IMMP2L: variants seen among roughly 807,000 people sequenced by gnomAD.
The protein encoded by IMMP2L is mitochondrial inner membrane protease subunit 2.
Under a neutral mutation model 19.3 loss-of-function variants are expected in IMMP2L, and 18 were observed. The observed-to-expected ratio is 0.93, with a 90% confidence interval of 0.64 to 1.38. IMMP2L has a LOEUF of 1.38. Ranked by LOEUF, IMMP2L falls within the 40% of genes most tolerant of loss-of-function variation. The pLI is 0.00. For missense variants in IMMP2L, 233 were observed against 218.2 expected (o/e 1.07, Z -0.43); for synonymous variants, 76 against 73.0 (o/e 1.04, Z -0.21).
chr7:111,391,238 C>T (rs926518983), intron 3 of IMMP2L, among the ~76,000 whole-genome samples: 11 of 152,054 alleles, frequency 7.2e-5, no homozygotes, highest in African/African-American at 2.2e-4. Flanking sequence ...CTTGCTGATA[C>T]TCCATTAGTC....
intron 5 of IMMP2L, among the ~76,000 whole-genome samples, chr7:110,834,187 A>G (rs1804221280): frequency 6.6e-6 from 1 of 152,108 alleles, no homozygotes; most frequent in Non-Finnish European, 1.5e-5. Flanking sequence ...TGAATAATAA[A>G]TCTTAAATGT....
At chr7:111,069,737 A>T (rs964914557) in intron 3 of IMMP2L, among the ~76,000 whole-genome samples, 1 of 152,122 alleles carries the variant, frequency 6.6e-6, no homozygotes, top group African/African-American at 2.4e-5. Flanking sequence ...GGTGATCTGG[A>T]ACTGGTCTCC....
chr7:110,854,124 T>C (rs1211972640), intron 5 of IMMP2L, among the ~76,000 whole-genome samples: 1 of 151,982 alleles, frequency 6.6e-6, no homozygotes, highest in Admixed American at 6.6e-5. Flanking sequence ...TAGGTACACA[T>C]ATATTTTAAA....
At chr7:111,144,637 G>A (rs1050223995) in intron 3 of IMMP2L, among the ~76,000 whole-genome samples, 1 of 151,962 alleles carries the variant, frequency 6.6e-6, no homozygotes, top group Non-Finnish European at 1.5e-5. Context: ...AAATCCACGG[G>A]GGACAGAAAT....
At chr7:110,686,165 C>T (rs986506244) in intron 5 of IMMP2L, among the ~76,000 whole-genome samples, 14 of 152,040 alleles carry the variant, frequency 9.2e-5, no homozygotes, top group African/African-American at 3.4e-4. Context: ...TCTCCCTCTG[C>T]AATCTTTAAC....
chr7:111,192,481 T>C (rs1808994299), intron 3 of IMMP2L, among the ~76,000 whole-genome samples: 1 of 152,160 alleles, frequency 6.6e-6, no homozygotes, highest in Non-Finnish European at 1.5e-5. Context: ...ACTCCTTTTC[T>C]TTTCGCTTCT....
Position 111,126,724 on chromosome 7 carries a change from C to T in IMMP2L, c.240-163159G>A, listed in dbSNP as rs566517831. On this transcript the variant is annotated intron_variant, in intron 3 of 5. Transcript: ENST00000405709. ...TTTTTACAAACAAACCCCCACAGTCCTGCAAAAATAGAAGTATTTTTGTAC... is the reference window on the plus strand; with the variant it reads ...TTTTTACAAACAAACCCCCACAGTCTTGCAAAAATAGAAGTATTTTTGTAC... 2.4e-4 allele frequency among the ~76,000 whole-genome samples: 36 copies of T among 152,102 alleles called. 1 individual carries two copies. The highest frequency in any genetic ancestry group is 7.2e-4 in the Admixed American group (11 of 15,272).
rs114882722 is a variant in IMMP2L at position 111,137,413 on chromosome 7, G to A, written c.240-173848C>T. On this transcript the variant is annotated intron_variant, in intron 3 of 5. Transcript: ENST00000405709. ...TTCCTAATCATGTCAAAAAAAATAC[G>A]TTAAGCCAGAATTCACAATTTTTCC... 4.5e-3 allele frequency among the ~76,000 whole-genome samples: 690 copies of A among 152,096 alleles called. 10 individuals carry two copies. Among genetic ancestry groups the A allele is most frequent in the African/African-American group, 0.016 (665 of 41,516 alleles).
At chr7:111,452,471 T>A (rs1391264510) in intron 3 of IMMP2L, among the ~76,000 whole-genome samples, 1 of 152,172 alleles carries the variant, frequency 6.6e-6, no homozygotes, top group African/African-American at 2.4e-5. Flanking sequence ...TTATTTCCAA[T>A]AAATTATATA....
Position 111,424,635 on chromosome 7 carries a change from A to G in IMMP2L, c.239+62603T>C, listed in dbSNP as rs866524406. Among the ~76,000 whole-genome samples, 5 of 151,944 alleles carry G rather than the reference A, an allele frequency of 3.3e-5. No individual in the cohort carries two copies. The East Asian group carries it at 5.8e-4, about 18-fold the overall frequency. Reference sequence around the variant, plus strand: ...ATGTATAGCCATGCTACTTAAAACTATATCTTAAATATGAAGACTCTTAAC... The same window carrying G: ...ATGTATAGCCATGCTACTTAAAACTGTATCTTAAATATGAAGACTCTTAAC... On this transcript the variant is annotated intron_variant, in intron 3 of 5. Transcript: ENST00000405709.
chr7:111,531,600 G>A (rs532526398), intron 1 of IMMP2L, among the ~76,000 whole-genome samples: 5 of 152,088 alleles, frequency 3.3e-5, no homozygotes, highest in South Asian at 2.1e-4. Context: ...CCATTAGCAC[G>A]GAGAAGCTTG....
chr7:111,040,833 C>A (rs1168363959), intron 3 of IMMP2L, among the ~76,000 whole-genome samples: 2 of 150,822 alleles, frequency 1.3e-5, no homozygotes, highest in African/African-American at 4.9e-5. Flanking sequence ...TGATGCATAA[C>A]AAAAGATGTA....
chr7:110,995,170 T>G (rs1029736477), intron 3 of IMMP2L, among the ~76,000 whole-genome samples: 4 of 151,972 alleles, frequency 2.6e-5, no homozygotes, highest in African/African-American at 9.7e-5. Flanking sequence ...ACAGAAGCTA[T>G]AATCCCAATG....
intron 5 of IMMP2L, among the ~76,000 whole-genome samples, chr7:110,812,871 T>C (rs147757653): frequency 6.6e-6 from 1 of 152,094 alleles, no homozygotes; most frequent in East Asian, 1.9e-4. Flanking sequence ...TTCTCTCTTC[T>C]TAAAAGAAAA....
At chr7:111,014,580 G>A (rs180867807) in intron 3 of IMMP2L, among the ~76,000 whole-genome samples, 1 of 152,012 alleles carries the variant, frequency 6.6e-6, no homozygotes, top group Non-Finnish European at 1.5e-5. Flanking sequence ...ACAGACAAAT[G>A]GAACTACATC....
chr7:110,719,113 C>G (rs1238587245), intron 5 of IMMP2L, among the ~76,000 whole-genome samples: 1 of 152,108 alleles, frequency 6.6e-6, no homozygotes. Flanking sequence ...TGATGTAGCT[C>G]AGAAAGTTAA....
chr7:111,281,149 AGAAAGACAG>A (rs1819701046), intron 3 of IMMP2L, among the ~76,000 whole-genome samples: 1 of 39,584 alleles, frequency 2.5e-5, no homozygotes, highest in African/African-American at 1.2e-4. Flanking sequence ...ACAGAAAGAC[AGAAAGACAG>A]AAAGAAAGAA....
At chr7:111,320,055 G>A (rs1473614812) in intron 3 of IMMP2L, among the ~76,000 whole-genome samples, 1 of 151,858 alleles carries the variant, frequency 6.6e-6, no homozygotes, top group African/African-American at 2.4e-5. Context: ...AGCCTCCATC[G>A]TGGGAAGATA....
intron 5 of IMMP2L, among the ~76,000 whole-genome samples, chr7:110,786,291 C>G (rs182321723): frequency 6.6e-6 from 1 of 151,710 alleles, no homozygotes; most frequent in African/African-American, 2.4e-5. Context: ...TTTCAGTTGC[C>G]CTTTGACACT....
Sources: gnomAD v4.1 joint callset for allele counts (sites outside exome capture counted in the v4.1 genomes callset) on GRCh38, gnomAD v4.1.1 for gene constraint, MANE v1.5 for transcripts, NCBI Gene and HGNC (gene_info 2026-07-23, HGNC 2026-07-21) for gene names.